PSMD5: variants seen among roughly 807,000 people sequenced by gnomAD.
The protein encoded by PSMD5 is proteasome 26S subunit, non-ATPase 5.
A neutral mutation model predicts 52.1 loss-of-function variants in PSMD5; 40 were observed. The ratio of observed to expected loss-of-function variants is 0.77; its 90% CI spans 0.60 to 1.00. The LOEUF is 1.00. Among genes scored for constraint, PSMD5 ranks in the 50% least tolerant of loss-of-function variants. The probability of loss-of-function intolerance (pLI) is 0.00; values close to 1 mark genes in which losing one functional copy is unlikely to be tolerated. For missense variants in PSMD5, 575 were observed against 605.2 expected, an observed-to-expected ratio of 0.95 and a Z score of 0.52; for synonymous variants, 211 against 226.6, an observed-to-expected ratio of 0.93 and a Z score of 0.62.
At chr9:120,829,027 C>A in intron 5 of PSMD5, 72 bp downstream of exon 5, 1 of 1,421,918 alleles carries the variant, frequency 7.0e-7, no homozygotes, top group Non-Finnish European at 9.3e-7. Flanking sequence ...TAGAGAAAAT[C>A]ACAGATGTCC....
At chr9:120,836,958 TG>T (rs1308092993) in intron 1 of PSMD5, among the ~76,000 whole-genome samples, 16 of 151,446 alleles carry the variant, frequency 1.1e-4, no homozygotes, top group African/African-American at 3.9e-4. Flanking sequence ...GGTGCGATCT[TG>T]GCTCACTGCA....
In PSMD5 at chr9:120,842,900, G is replaced by C; in HGVS notation, c.10C>G (p.Gln4Glu). The change falls in exon 1 of 10, where the codon CAG (glutamine) becomes GAG (glutamate). Residue 4 changes from glutamine (Q) to glutamate (E), a missense_variant. Transcript: ENST00000210313. MAA[Q>E]ALALLREVAR... ...ACCTCTCTCAGCAGCGCCAAAGCCTGGGCTGCCATCTTGCCCCCCGACGCA... is the reference window on the plus strand; with the variant it reads ...ACCTCTCTCAGCAGCGCCAAAGCCTCGGCTGCCATCTTGCCCCCCGACGCA... 6.3e-7 allele frequency: 1 copy of C among 1,587,594 alleles called. No individual in the cohort carries two copies. Among genetic ancestry groups the C allele is most frequent in the Non-Finnish European group, 8.5e-7 (1 of 1,172,480 alleles).
In PSMD5 at chr9:120,826,846, C is replaced by A; in HGVS notation, c.733G>T (p.Ala245Ser). Residue 245 changes from alanine (A) to serine (S), a missense_variant, in exon 6 of 10, where the codon GCT becomes TCT. By Grantham distance (99) the Ala-to-Ser change is moderately conservative (BLOSUM62 1). Transcript: ENST00000210313. ...AYTHHGRQYL[A>S]QEGVIDQISN... ...ATTTGGTCAATTACTCCTTCTTGAG[C>A]AAGATATTGTCGCCCATGATGAGTA... 1 of 1,613,454 alleles carries A rather than the reference C, an allele frequency of 6.2e-7. No homozygotes were observed.
At chr9:120,821,330 C>A in intron 8 of PSMD5, 25 bp downstream of exon 8, 1 of 1,410,590 alleles carries the variant, frequency 7.1e-7, no homozygotes, top group South Asian at 1.3e-5. Context: ...TCCCACTGTC[C>A]TTCATTATTT....
chr9:120,827,896 T>C (rs1267428218), intron 5 of PSMD5, among the ~76,000 whole-genome samples: 1 of 152,258 alleles, frequency 6.6e-6, no homozygotes, highest in Non-Finnish European at 1.5e-5. Flanking sequence ...AAAGGGGATT[T>C]AGGGAATAGC....
intron 1 of PSMD5, among the ~76,000 whole-genome samples, chr9:120,838,408 T>C (rs2045212805): frequency 1.3e-5 from 2 of 152,376 alleles, no homozygotes; most frequent in African/African-American, 4.8e-5. Flanking sequence ...TTGATTTTCA[T>C]GTTCTAAAGC....
chr9:120,823,994 G>A (rs116126405), intron 7 of PSMD5: 1,626 of 153,112 alleles, frequency 0.011, 19 homozygotes, highest in African/African-American at 0.037. Context: ...AGTCAGGGCT[G>A]GATACAATGG....
chr9:120,825,581 T>A (rs1376356386), intron 6 of PSMD5, among the ~76,000 whole-genome samples: 1 of 152,184 alleles, frequency 6.6e-6, no homozygotes, highest in Non-Finnish European at 1.5e-5. Flanking sequence ...TTTATTTGTG[T>A]CTTCTTCAAT....
intron 1 of PSMD5, among the ~76,000 whole-genome samples, chr9:120,841,370 T>C (rs928033256): frequency 6.6e-6 from 1 of 151,908 alleles, no homozygotes; most frequent in Non-Finnish European, 1.5e-5. Flanking sequence ...ACGAGGTCCG[T>C]AGATCGAGAC....
At chr9:120,833,613 A>G (rs1372128003) in intron 1 of PSMD5, among the ~76,000 whole-genome samples, 157 bp from the exon 2 acceptor site, 7 of 149,868 alleles carry the variant, frequency 4.7e-5, no homozygotes, top group Non-Finnish European at 7.4e-5. Flanking sequence ...CTAAGTACCT[A>G]TTATGCGCAT....
chr9:120,823,510 C>CTTTTTTTTTTTTTTTTTTT (rs1263218977), intron 7 of PSMD5, among the ~76,000 whole-genome samples: 8 of 108,666 alleles, frequency 7.4e-5, no homozygotes, highest in African/African-American at 2.8e-4. Flanking sequence ...TACCTGGCCT[C>CTTTTTTTTTTTTTTTTTTT]TTTTTTTTTT....
Position 120,824,602 on chromosome 9 carries a change from CTT to C in PSMD5, c.896_897del (p.Lys299SerfsTer3), listed in dbSNP as rs1564474831. The C allele has an allele frequency of 6.2e-7, 1 of 1,614,188 alleles. No homozygotes were observed. The highest frequency in any genetic ancestry group is 1.3e-5 in the African/African-American group (1 of 75,054). ...ICERYPIFVE[K>X]VFEMIESQDP... The stretch of plus-strand genomic sequence containing the variant: ...TCCTGACTTTCTATCATTTCAAAGA[CTT>C]TTTCCACAAAGATAGGATAACGCTC... On this transcript the variant is annotated frameshift_variant, in exon 7 of 10. Transcript: ENST00000210313. LOFTEE classifies it high-confidence loss of function.
chr9:120,832,070 A>G (rs1350297339), intron 2 of PSMD5, 125 bp from the exon 3 acceptor site: 1 of 1,413,218 alleles, frequency 7.1e-7, no homozygotes, highest in Admixed American at 2.8e-5. Context: ...ATATCAATTC[A>G]TTAAAAAATC....
chr9:120,833,199 G>A, intron 2 of PSMD5, 113 bp downstream of exon 2: 1 of 1,245,734 alleles, frequency 8.0e-7, no homozygotes, highest in South Asian at 1.4e-5. Context: ...GAGAGGGGGA[G>A]AAGGAAGAGG....
At chr9:120,819,063 T>C (rs1438194231) in intron 9 of PSMD5, among the ~76,000 whole-genome samples, 1 of 152,186 alleles carries the variant, frequency 6.6e-6, no homozygotes, top group Non-Finnish European at 1.5e-5. Context: ...CACCAAAAGG[T>C]AGAACTTTCT....
intron 1 of PSMD5, among the ~76,000 whole-genome samples, chr9:120,836,131 G>A (rs1325508932): frequency 1.3e-5 from 2 of 152,160 alleles, no homozygotes; most frequent in African/African-American, 2.4e-5. Context: ...ATTTCATTTA[G>A]CACAACGTCT....
At chr9:120,819,809 C>T (rs2045070992) in intron 9 of PSMD5, among the ~76,000 whole-genome samples, 1 of 151,930 alleles carries the variant, frequency 6.6e-6, no homozygotes, top group Non-Finnish European at 1.5e-5. Context: ...GCATTCCAGC[C>T]TGGGCGACAG....
At chr9:120,828,309 T>C (rs2045137213) in intron 5 of PSMD5, among the ~76,000 whole-genome samples, 1 of 146,126 alleles carries the variant, frequency 6.8e-6, no homozygotes, top group African/African-American at 2.6e-5. Flanking sequence ...CACAATATCT[T>C]TTTTAGTTAC....
chr9:120,821,990 ATTTG>A (rs901458633), intron 7 of PSMD5, among the ~76,000 whole-genome samples: 26 of 152,278 alleles, frequency 1.7e-4, no homozygotes, highest in Admixed American at 1.2e-3. Context: ...CTGTACAAAC[ATTTG>A]TTTGAGTCTC....
Sources: allele counts gnomAD v4.1 joint callset (sites outside exome capture counted in the v4.1 genomes callset), GRCh38; gene constraint gnomAD v4.1.1; transcripts MANE v1.5; gene names NCBI Gene and HGNC (gene_info 2026-07-23, HGNC 2026-07-21).